Variants in RTN4 observed in about 807,000 individuals in gnomAD.
RTN4 encodes the protein reticulon-4.
Under a neutral mutation model 90.4 loss-of-function variants are expected in RTN4, and 32 were observed. That is an observed-to-expected ratio of 0.35 (90% CI 0.27 to 0.48). The LOEUF (loss-of-function observed/expected upper bound fraction) is 0.48. Ranked by LOEUF, RTN4 falls within the 20% of genes least tolerant of loss-of-function variation. The pLI, the probability that RTN4 is intolerant of heterozygous loss-of-function variation, is 0.99. For missense variants in RTN4, 1,706 were observed against 1,430.2 expected, an observed-to-expected ratio of 1.19 and a Z score of -3.11; for synonymous variants, 629 against 552.5, an observed-to-expected ratio of 1.14 and a Z score of -1.94.
At chr2:55,067,317 C>T (rs1273359560) in intron 2 of RTN4, among the ~76,000 whole-genome samples, 1 of 152,032 alleles carries the variant, frequency 6.6e-6, no homozygotes, top group East Asian at 1.9e-4. Flanking sequence ...AAGTACAAAG[C>T]ACCATCGAAA....
Position 55,027,245 on chromosome 2 carries a change from A to G in RTN4, c.854T>C (p.Ile285Thr), listed in dbSNP as rs765968662. The G allele has an allele frequency of 9.3e-6, 15 of 1,613,636 alleles. No individual in the cohort carries two copies. The Admixed American group carries it at 1.5e-4, about 16-fold the overall frequency. The change falls in exon 3 of 9, where the codon ATA becomes ACA. Residue 285 changes from isoleucine to threonine, a missense_variant. Ile to Thr is a moderately conservative substitution (Grantham distance 89). Coordinates refer to ENST00000337526, the MANE Select transcript of RTN4 (RefSeq NM_020532.5). ...EVSEKAKTLL[I>T]DRDLTEFSEL... ...TGAAAACTCTGTTAAATCTCTATCT[A>G]TGAGTAGAGTTTTTGCCTTCTCTGA...
chr2:54,984,376 C>CA (rs1185240136), intron 4 of RTN4, among the ~76,000 whole-genome samples: 2 of 152,088 alleles, frequency 1.3e-5, no homozygotes, highest in African/African-American at 4.8e-5. Flanking sequence ...CAATTATTAA[C>CA]AAAAAACTGA....
intron 3 of RTN4, among the ~76,000 whole-genome samples, chr2:54,999,560 A>T (rs1679703347): frequency 1.3e-5 from 2 of 152,210 alleles, no homozygotes; most frequent in African/African-American, 4.8e-5. Flanking sequence ...AGCAAAAGCA[A>T]ATATTAAGTT....
At position 55,028,145 on chromosome 2, in the gene RTN4, G is replaced by C. The variant is rs199809808; in HGVS notation, c.613+19C>G. On this transcript the variant is annotated intron_variant, in intron 2 of 8. Coordinates refer to ENST00000337526, the MANE Select transcript of RTN4 (RefSeq NM_020532.5). ...AGTTAGAATACAGAGAGGATAAAAG[G>C]CTGGCAGAAAGAACTTGCCTGCAGA... The C allele has an allele frequency of 1.4e-5, 22 of 1,607,688 alleles. No individual in the cohort carries two copies. Among genetic ancestry groups the C allele is most frequent in the South Asian group, 2.2e-5 (2 of 90,598 alleles).
intron 4 of RTN4, among the ~76,000 whole-genome samples, chr2:54,985,593 C>T (rs1178205464): frequency 2.6e-5 from 4 of 152,122 alleles, no homozygotes; most frequent in Non-Finnish European, 5.9e-5. Context: ...AAAATATGTA[C>T]ATAAAAGGTT....
chr2:55,101,284 T>G (rs1338806534), intron 1 of RTN4, among the ~76,000 whole-genome samples: 1 of 152,090 alleles, frequency 6.6e-6, no homozygotes, highest in Non-Finnish European at 1.5e-5. Context: ...TACTTATTAC[T>G]TTTCCAATCA....
upstream of RTN4, chr2:55,050,542 A>G (rs1040058882): frequency 2.9e-6 from 1 of 350,716 alleles, no homozygotes; most frequent in Admixed American, 4.7e-5. The surrounding 1 kb of genome is among the most constrained non-coding windows in gnomAD (Gnocchi z 4.6). Context: ...GAGTGAGGCC[A>G]GCGGACTCTC....
upstream of RTN4, among the ~76,000 whole-genome samples, chr2:55,051,267 TGAGTCACCCAAAGAGAGA>T (rs2104989841): frequency 6.6e-6 from 1 of 151,942 alleles, no homozygotes; most frequent in South Asian, 2.1e-4. Context: ...GGTAAGAGAG[TGAGTCACCCAAAGAGAGA>T]GGCAGCGGGG....
At chr2:55,049,691 CAA>C (rs926331168) in intron 1 of RTN4, 52 bp downstream of exon 1, 14 of 1,446,546 alleles carry the variant, frequency 9.7e-6, no homozygotes, top group South Asian at 1.4e-5. Flanking sequence ...GGGCTGCACA[CAA>C]AAGAGGGAGG....
intron 1 of RTN4, among the ~76,000 whole-genome samples, chr2:55,034,337 CA>C (rs1015584355): frequency 2.6e-5 from 4 of 151,808 alleles, no homozygotes; most frequent in African/African-American, 7.3e-5. Flanking sequence ...CCCAACTCTC[CA>C]AAAAAATTAA....
chr2:55,136,893 G>A, the RTN4 span, among the ~76,000 whole-genome samples: 1 of 152,190 alleles, frequency 6.6e-6, no homozygotes. Context: ...CAGGTACAGA[G>A]TGGGGAGCTG....
intron 1 of RTN4, among the ~76,000 whole-genome samples, chr2:55,032,139 G>A (rs1406210375): frequency 2.0e-5 from 3 of 151,744 alleles, no homozygotes; most frequent in Non-Finnish European, 4.4e-5. Flanking sequence ...GGAGTACAGC[G>A]GGGCTATCTT....
At chr2:55,050,560 T>C (rs1193083851), upstream of RTN4, 4 of 315,678 alleles carry the variant, frequency 1.3e-5, no homozygotes, top group African/African-American at 8.6e-5. This position sits in a 1 kb window ranked among gnomAD's most constrained non-coding sequence, Gnocchi z 4.6. Context: ...CTCCGCCCAG[T>C]TTGGCGTGAC....
intron 1 of RTN4, among the ~76,000 whole-genome samples, chr2:55,040,427 TA>T (rs917423682): frequency 2.7e-4 from 40 of 146,996 alleles, no homozygotes; most frequent in South Asian, 6.4e-4. Flanking sequence ...TCTAGTAGCT[TA>T]AAAAAAAAAA....
chr2:55,050,105 C>T lies in RTN4; in HGVS notation c.196G>A (p.Ala66Thr), dbSNP rs754828311. Reference sequence around the variant, plus strand: ...GCGGCAGGGGCGGTGGGCACTGGGGCCGCGGACAGCCCGGCGGCGGGCTTC... The same window carrying T: ...GCGGCAGGGGCGGTGGGCACTGGGGTCGCGGACAGCCCGGCGGCGGGCTTC... ...ERKPAAGLSA[A>T]PVPTAPAAGA... The change falls in exon 1 of 9, where the codon GCC becomes ACC. Residue 66 changes from alanine to threonine, a missense_variant. Ala to Thr is a moderately conservative substitution (Grantham distance 58). Coordinates refer to ENST00000337526, the MANE Select transcript of RTN4 (RefSeq NM_020532.5). This position sits in a 1 kb window ranked among gnomAD's most constrained non-coding sequence, Gnocchi z 4.6. 4 of 1,494,360 alleles carry T rather than the reference C, an allele frequency of 2.7e-6. No homozygotes were observed. The highest frequency in any genetic ancestry group is 3.6e-6 in the Non-Finnish European group (4 of 1,126,718). 92.6% of individuals were successfully genotyped at this position (1,494,360 alleles called of 1,614,324 possible).
At chr2:55,024,178 G>A (rs919382054) in intron 3 of RTN4, among the ~76,000 whole-genome samples, 3 of 152,106 alleles carry the variant, frequency 2.0e-5, no homozygotes, top group Non-Finnish European at 4.4e-5. Context: ...TGCCAGAAAT[G>A]AAATCCAGGG....
chr2:55,119,666 G>C, the RTN4 span, among the ~76,000 whole-genome samples: 4 of 152,108 alleles, frequency 2.6e-5, no homozygotes, highest in Non-Finnish European at 5.9e-5. Context: ...AGTATTACAG[G>C]GGGCAAAAAA....
the RTN4 span, among the ~76,000 whole-genome samples, chr2:55,134,701 A>G: frequency 5.3e-5 from 8 of 149,798 alleles, no homozygotes; most frequent in Admixed American, 4.0e-4. Context: ...TTTATAATCT[A>G]ATTCTCCAGA....
chr2:55,039,056 T>G (rs1382929913), intron 1 of RTN4, among the ~76,000 whole-genome samples: 1 of 152,168 alleles, frequency 6.6e-6, no homozygotes, highest in African/African-American at 2.4e-5. Flanking sequence ...TAATCTATGA[T>G]GAAAGAAATC....
Sources: gnomAD v4.1 joint callset for allele counts (sites outside exome capture counted in the v4.1 genomes callset) on GRCh38, gnomAD v4.1.1 for gene constraint, Gnocchi (gnomAD v3.1) non-coding constraint, MANE v1.5 for transcripts, NCBI Gene and HGNC (gene_info 2026-07-23, HGNC 2026-07-21) for gene names.